TM9SF3: variants seen among roughly 807,000 people sequenced by gnomAD.
TM9SF3 encodes transmembrane 9 superfamily member 3, also known as SM-11044-binding protein.
Under a neutral mutation model 78.6 loss-of-function variants are expected in TM9SF3, and 14 were observed. The ratio of observed to expected loss-of-function variants is 0.18; its 90% CI spans 0.12 to 0.28. The LOEUF is 0.28. TM9SF3 is among the 10% of genes least tolerant of loss of function. TM9SF3 has a pLI of 1.00. For synonymous variants in TM9SF3, 231 were observed against 241.7 expected (o/e 0.96, Z 0.41); for missense variants, 496 against 721.9 (o/e 0.69, Z 3.59).
At chr10:96,553,296 T>C (rs538879887) in intron 5 of TM9SF3, among the ~76,000 whole-genome samples, 9 of 152,298 alleles carry the variant, frequency 5.9e-5, no homozygotes, top group African/African-American at 2.2e-4. Flanking sequence ...TATATAAATT[T>C]TCAAAATCAA....
intron 1 of TM9SF3, among the ~76,000 whole-genome samples, chr10:96,577,105 A>C (rs1382172225): frequency 6.6e-6 from 1 of 152,176 alleles, no homozygotes; most frequent in Non-Finnish European, 1.5e-5. Flanking sequence ...CCAATAGCTC[A>C]TAAGAGTGTG....
intron 2 of TM9SF3, among the ~76,000 whole-genome samples, chr10:96,568,221 A>C (rs1848400623): frequency 6.6e-6 from 1 of 152,234 alleles, no homozygotes; most frequent in Non-Finnish European, 1.5e-5. Context: ...CCAATTTGAA[A>C]ATAACTAATG....
intron 1 of TM9SF3, among the ~76,000 whole-genome samples, chr10:96,579,368 A>G (rs1848534700): frequency 6.6e-6 from 1 of 152,248 alleles, no homozygotes; most frequent in Non-Finnish European, 1.5e-5. Flanking sequence ...ACTTGTGAAA[A>G]TAAGCACAAA....
chr10:96,575,600 C>G (rs905373301), intron 2 of TM9SF3, among the ~76,000 whole-genome samples: 1 of 151,962 alleles, frequency 6.6e-6, no homozygotes, highest in Non-Finnish European at 1.5e-5. Flanking sequence ...TGACATTCTT[C>G]TCCTCAAAGT....
rs922507396 is a variant in TM9SF3, at chr10:96,531,909, A to T, written c.1325+1142T>A. Among the ~76,000 whole-genome samples, 3 of 152,044 alleles carry T rather than the reference A, an allele frequency of 2.0e-5. No individual in the cohort carries two copies. The South Asian group carries it at 6.2e-4, about 32-fold the overall frequency. On this transcript the variant is annotated intron_variant, in intron 10 of 14. Transcript: ENST00000371142. ...CATACTGATTTACAAAAAAAAAATT[A>T]CTTTAAAAAATAAACTACAGGCTGG...
intron 10 of TM9SF3, 47 bp from the exon 11 acceptor site, chr10:96,530,655 G>T: frequency 6.6e-7 from 1 of 1,512,238 alleles, no homozygotes; most frequent in Non-Finnish European, 9.0e-7. Flanking sequence ...TGATTTCCAT[G>T]TTATATAAAC....
chr10:96,554,673 C>T (rs573166852), intron 5 of TM9SF3, among the ~76,000 whole-genome samples: 1 of 152,238 alleles, frequency 6.6e-6, no homozygotes, highest in South Asian at 2.1e-4. Context: ...GCCCCCACCT[C>T]CCATCCCACC....
intron 10 of TM9SF3, among the ~76,000 whole-genome samples, chr10:96,532,330 T>C (rs747243271): frequency 3.9e-5 from 6 of 152,076 alleles, no homozygotes; most frequent in Non-Finnish European, 8.8e-5. Flanking sequence ...ATTCAAACTA[T>C]AGGGGCTATT....
intron 2 of TM9SF3, among the ~76,000 whole-genome samples, chr10:96,575,491 A>G (rs1263387783): frequency 6.6e-6 from 1 of 152,116 alleles, no homozygotes; most frequent in Non-Finnish European, 1.5e-5. Flanking sequence ...ATGTAAATAG[A>G]TACGGTATAC....
At chr10:96,571,319 C>T (rs1848434504) in intron 2 of TM9SF3, among the ~76,000 whole-genome samples, 1 of 152,158 alleles carries the variant, frequency 6.6e-6, no homozygotes, top group South Asian at 2.1e-4. Context: ...CTTCATACAG[C>T]TAGACACATA....
intron 8 of TM9SF3, among the ~76,000 whole-genome samples, chr10:96,546,292 TTTACA>T (rs1848099287): frequency 6.6e-6 from 1 of 152,166 alleles, no homozygotes. Context: ...GAACATAATC[TTTACA>T]TTACATTTTG....
chr10:96,582,094 G>A (rs912762198), intron 1 of TM9SF3, among the ~76,000 whole-genome samples: 2 of 151,268 alleles, frequency 1.3e-5, no homozygotes, highest in Non-Finnish European at 2.9e-5. Flanking sequence ...CAGTGCTTGC[G>A]TATATAACAG....
chr10:96,559,332 A>G (rs1414607988), intron 5 of TM9SF3, among the ~76,000 whole-genome samples: 1 of 152,054 alleles, frequency 6.6e-6, no homozygotes, highest in Non-Finnish European at 1.5e-5. Flanking sequence ...TCCAATATTC[A>G]CCTCATTAGA....
chr10:96,540,168 C>G (rs893090003), intron 9 of TM9SF3, among the ~76,000 whole-genome samples: 1 of 152,154 alleles, frequency 6.6e-6, no homozygotes, highest in Admixed American at 6.5e-5. Context: ...GTCTCACATC[C>G]CTTTTCAATT....
At chr10:96,558,312 T>G (rs1180110067) in intron 5 of TM9SF3, among the ~76,000 whole-genome samples, 1 of 149,452 alleles carries the variant, frequency 6.7e-6, no homozygotes, top group Non-Finnish European at 1.5e-5. Flanking sequence ...AGGGGAAAAA[T>G]TTTAGCTCCA....
intron 5 of TM9SF3, among the ~76,000 whole-genome samples, chr10:96,556,350 C>T (rs1368413049): frequency 6.6e-6 from 1 of 152,194 alleles, no homozygotes. Flanking sequence ...TGAAATTCCC[C>T]AACAGCTCTG....
At chr10:96,554,055 T>C (rs1469126332) in intron 5 of TM9SF3, among the ~76,000 whole-genome samples, 1 of 152,106 alleles carries the variant, frequency 6.6e-6, no homozygotes, top group Non-Finnish European at 1.5e-5. Context: ...TCCTCTCATT[T>C]TGCATCCCAA....
intron 2 of TM9SF3, among the ~76,000 whole-genome samples, chr10:96,574,865 T>G (rs771672158): frequency 1.3e-5 from 2 of 152,052 alleles, no homozygotes; most frequent in South Asian, 4.1e-4. Flanking sequence ...TAAGTGGGAA[T>G]TGAACAATGA....
At chr10:96,542,110 A>G (rs1848040902) in intron 9 of TM9SF3, among the ~76,000 whole-genome samples, 1 of 152,254 alleles carries the variant, frequency 6.6e-6, no homozygotes. Flanking sequence ...CAAGAAGTCA[A>G]ACAACTAAAA....
Sources: allele counts gnomAD v4.1 joint callset (sites outside exome capture counted in the v4.1 genomes callset), GRCh38; gene constraint gnomAD v4.1.1; transcripts MANE v1.5; gene names NCBI Gene and HGNC (gene_info 2026-07-23, HGNC 2026-07-21).